Variants in TBC1D32 observed in about 807,000 individuals in gnomAD.
The protein encoded by TBC1D32 is TBC1 domain family member 32, also known as protein broad-minded.
TBC1D32 carries 151 observed loss-of-function variants against 170.3 expected under a neutral mutation model. That is an observed-to-expected ratio of 0.89 (90% CI 0.78 to 1.01). The LOEUF (loss-of-function observed/expected upper bound fraction) is 1.01. TBC1D32 is among the 50% of genes least tolerant of loss of function. The probability of loss-of-function intolerance (pLI) is 0.00; values close to 1 mark genes in which losing one functional copy is unlikely to be tolerated. For missense variants in TBC1D32, 1,464 were observed against 1,457.1 expected (o/e 1.00, Z -0.08); for synonymous variants, 498 against 488.0 (o/e 1.02, Z -0.27).
In TBC1D32 at chr6:121,199,402, T is replaced by C. The variant is rs182369400; in HGVS notation, c.2570+5673A>G. Among the ~76,000 whole-genome samples the C allele has an allele frequency of 3.9e-4, 59 of 151,404 alleles. 3 individuals carry two copies. The highest frequency in any genetic ancestry group is 1.4e-3 in the African/African-American group (56 of 40,778). On this transcript the variant is annotated intron_variant, in intron 22 of 31. Coordinates refer to ENST00000398212, the MANE Select transcript of TBC1D32 (RefSeq NM_152730.6). ...CACTCCTATTTTTCAAAAAAAAATC[T>C]GTAGCTAAAGATCAAAATATGAGCA...
chr6:121,094,823 A>G (rs560082402), intron 30 of TBC1D32, among the ~76,000 whole-genome samples: 29 of 152,134 alleles, frequency 1.9e-4, no homozygotes, highest in Non-Finnish European at 3.5e-4. Flanking sequence ...TCTAGTCTTT[A>G]GATACTATAA....
At chr6:121,159,117 A>C (rs370984819) in intron 24 of TBC1D32, among the ~76,000 whole-genome samples, 1 of 152,184 alleles carries the variant, frequency 6.6e-6, no homozygotes, top group Admixed American at 6.5e-5. Context: ...TTTAAACTAC[A>C]TGCCTCATTA....
intron 26 of TBC1D32, 71 bp from the exon 27 acceptor site, chr6:121,115,312 T>C (rs1447541440): frequency 1.3e-5 from 14 of 1,098,036 alleles, no homozygotes; most frequent in South Asian, 2.1e-5. Flanking sequence ...TAATTGAAAA[T>C]TGATGAAAGC....
chr6:121,225,638 T>G (rs964536747), intron 20 of TBC1D32, among the ~76,000 whole-genome samples: 3 of 152,044 alleles, frequency 2.0e-5, no homozygotes, highest in Non-Finnish European at 4.4e-5. Context: ...GATATGCTAC[T>G]CTAAGCAAAT....
chr6:121,330,856 TAATG>T (rs1217117742), intron 1 of TBC1D32, among the ~76,000 whole-genome samples: 1 of 152,090 alleles, frequency 6.6e-6, no homozygotes, highest in Non-Finnish European at 1.5e-5. Flanking sequence ...CATACACACA[TAATG>T]AAAGCAACGT....
intron 2 of TBC1D32, among the ~76,000 whole-genome samples, chr6:121,319,038 T>G (rs1809323758): frequency 6.7e-6 from 1 of 149,610 alleles, no homozygotes; most frequent in Non-Finnish European, 1.5e-5. Context: ...AGATATAATT[T>G]CTACATAATT....
At chr6:121,291,815 A>G (rs1214624586) in intron 12 of TBC1D32, among the ~76,000 whole-genome samples, 2 of 152,064 alleles carry the variant, frequency 1.3e-5, no homozygotes, top group East Asian at 1.9e-4. Context: ...CTCTAAATCT[A>G]TATCTGGATC....
At chr6:121,160,209 A>G in intron 23 of TBC1D32, 106 bp from the exon 24 acceptor site, 1 of 736,956 alleles carries the variant, frequency 1.4e-6, no homozygotes, top group Non-Finnish European at 2.2e-6. Context: ...TCTTGCTCAT[A>G]AATTCTGCAG....
chr6:121,132,997 C>T lies in TBC1D32; in HGVS notation c.2774-1245G>A, dbSNP rs1023490871. Among the ~76,000 whole-genome samples, 53 of 151,780 alleles carry T rather than the reference C, an allele frequency of 3.5e-4. 1 individual carries two copies. The highest frequency in any genetic ancestry group is 3.1e-3 in the Admixed American group (47 of 15,228). On this transcript the variant is annotated intron_variant, in intron 24 of 31. Coordinates refer to ENST00000398212, the MANE Select transcript of TBC1D32 (RefSeq NM_152730.6). Reference sequence around the variant, plus strand: ...AACCAGTAGCCAGATTAATTCATACCTTTTTCTTTACCACTTCTCTTGAAA... The same window carrying T: ...AACCAGTAGCCAGATTAATTCATACTTTTTTCTTTACCACTTCTCTTGAAA...
At chr6:121,263,596 C>T (rs1302903096) in intron 15 of TBC1D32, among the ~76,000 whole-genome samples, 3 of 152,146 alleles carry the variant, frequency 2.0e-5, no homozygotes, top group Non-Finnish European at 4.4e-5. Context: ...TCAAGAGGAC[C>T]TAATAGATAT....
chr6:121,228,012 C>G (rs1182114400), intron 20 of TBC1D32, among the ~76,000 whole-genome samples: 1 of 151,932 alleles, frequency 6.6e-6, no homozygotes, highest in East Asian at 1.9e-4. Context: ...TTTGGTAACC[C>G]TACTTTTAAA....
chr6:121,146,385 A>C (rs1783452318), intron 24 of TBC1D32, among the ~76,000 whole-genome samples: 1 of 152,196 alleles, frequency 6.6e-6, no homozygotes, highest in East Asian at 1.9e-4. Context: ...CAGTTCCTTC[A>C]TGATAATAAT....
intron 21 of TBC1D32, among the ~76,000 whole-genome samples, chr6:121,217,248 C>A (rs1282360100): frequency 6.6e-6 from 1 of 152,222 alleles, no homozygotes; most frequent in Non-Finnish European, 1.5e-5. Context: ...CCTTTATCTC[C>A]GTTCCTGTCC....
At chr6:121,176,650 G>A (rs146726659) in intron 22 of TBC1D32, among the ~76,000 whole-genome samples, 44 of 151,682 alleles carry the variant, frequency 2.9e-4, no homozygotes, top group Non-Finnish European at 6.3e-4. Flanking sequence ...CCAGGCTGGA[G>A]TGCAGTGGTG....
chr6:121,291,440 AAAAAAAC>A (rs1260250659), intron 12 of TBC1D32, among the ~76,000 whole-genome samples: 2 of 152,120 alleles, frequency 1.3e-5, no homozygotes, highest in Non-Finnish European at 2.9e-5. Context: ...AAAAAAAAAC[AAAAAAAC>A]AAAAAACAGT....
chr6:121,235,782 G>C (rs1391271698), intron 20 of TBC1D32, among the ~76,000 whole-genome samples: 1 of 152,182 alleles, frequency 6.6e-6, no homozygotes, highest in Non-Finnish European at 1.5e-5. Flanking sequence ...ATCTTTCCTA[G>C]TATGTTCCTG....
intron 21 of TBC1D32, among the ~76,000 whole-genome samples, chr6:121,212,804 A>G (rs1293433949): frequency 6.6e-6 from 1 of 152,222 alleles, no homozygotes; most frequent in East Asian, 1.9e-4. Context: ...ATCCTCAACA[A>G]AATACTTGCA....
chr6:121,301,250 T>C (rs1806428948), intron 9 of TBC1D32, among the ~76,000 whole-genome samples: 1 of 152,172 alleles, frequency 6.6e-6, no homozygotes, highest in African/African-American at 2.4e-5. Context: ...CATATGTTTA[T>C]TGCAGCACTG....
At chr6:121,137,360 G>C (rs1782215226) in intron 24 of TBC1D32, among the ~76,000 whole-genome samples, 1 of 151,200 alleles carries the variant, frequency 6.6e-6, no homozygotes, top group African/African-American at 2.4e-5. Context: ...CTACCAGTTT[G>C]TTTTCCCAAG....
Sources: allele counts gnomAD v4.1 joint callset (sites outside exome capture counted in the v4.1 genomes callset), GRCh38; gene constraint gnomAD v4.1.1; transcripts MANE v1.5; gene names NCBI Gene and HGNC (gene_info 2026-07-23, HGNC 2026-07-21).